Variants in LRBA observed in about 807,000 individuals in gnomAD.
LRBA encodes lipopolysaccharide-responsive and beige-like anchor protein.
In LRBA, 176 loss-of-function variants were observed where a neutral mutation model predicts 330.0. The ratio of observed to expected loss-of-function variants is 0.53; its 90% CI spans 0.47 to 0.60. LRBA has a LOEUF of 0.60. LRBA is among the 20% of genes least tolerant of loss of function. The pLI is 0.00. For synonymous variants in LRBA, 1,230 were observed against 1,193.0 expected, an observed-to-expected ratio of 1.03 and a Z score of -0.64; for missense variants, 3,259 against 3,444.8, an observed-to-expected ratio of 0.95 and a Z score of 1.35.
At position 150,963,019 on chromosome 4, in the gene LRBA, TAA is replaced by T. The variant is rs35571039; in HGVS notation, c.217-33956_217-33955del. On this transcript the variant is annotated intron_variant, in intron 2 of 56. Transcript: ENST00000651943. ...TAAAATAAAATAAAAAGCTTTTTAT[TAA>T]AAAAAAAAACACCACTAGTCAAGTC... Among the ~76,000 whole-genome samples, 380 of 141,258 alleles carry T rather than the reference TAA, an allele frequency of 2.7e-3. 12 individuals are homozygous for T. The highest frequency in any genetic ancestry group is 4.5e-3 in the Non-Finnish European group (300 of 66,616). The allele number at this position is 141,258 out of a possible 152,430, so 92.7% of individuals were successfully genotyped here.
chr4:150,765,815 T>C (rs1399964056), intron 34 of LRBA, among the ~76,000 whole-genome samples: 2 of 152,108 alleles, frequency 1.3e-5, no homozygotes, highest in African/African-American at 2.4e-5. Context: ...TTTAATTACA[T>C]TGTCAAATCA....
intron 36 of LRBA, among the ~76,000 whole-genome samples, chr4:150,724,342 C>T (rs1729368860): frequency 6.6e-6 from 1 of 152,102 alleles, no homozygotes. Context: ...ATAATTCTTC[C>T]ACATCTTATC....
rs115055192 is a variant in LRBA, at chr4:150,539,602, G to A, written c.6330+48446C>T. On this transcript the variant is annotated intron_variant, in intron 40 of 56. Coordinates refer to ENST00000651943, the MANE Select transcript of LRBA (RefSeq NM_001364905.1). ...TCACAGTATCAACATAGTCTTAAGC[G>A]CATCTTAAACAATATATCTGCTCTG... Among the ~76,000 whole-genome samples the A allele has an allele frequency of 1.2e-3, 176 of 152,204 alleles. 3 individuals carry two copies. Among genetic ancestry groups the A allele is most frequent in the African/African-American group, 4.1e-3 (170 of 41,516 alleles).
At chr4:150,967,346 A>G (rs1296889482) in intron 2 of LRBA, among the ~76,000 whole-genome samples, 2 of 152,186 alleles carry the variant, frequency 1.3e-5, no homozygotes, top group Non-Finnish European at 2.9e-5. Flanking sequence ...TTGTCCCTAT[A>G]CAATCCAGTC....
intron 44 of LRBA, among the ~76,000 whole-genome samples, chr4:150,443,842 A>T (rs1752174952): frequency 1.7e-5 from 1 of 57,232 alleles, no homozygotes; most frequent in Non-Finnish European, 4.8e-5. Context: ...AACTTAAAGT[A>T]TAATTAAAAA....
intron 34 of LRBA, among the ~76,000 whole-genome samples, chr4:150,788,928 G>A (rs2126633256): frequency 6.6e-6 from 1 of 151,594 alleles, no homozygotes; most frequent in Admixed American, 6.6e-5. Flanking sequence ...TCAAAAATGT[G>A]CCAGACATGG....
chr4:150,856,047 T>C (rs13112801), intron 22 of LRBA, among the ~76,000 whole-genome samples: 105,028 of 152,032 alleles, frequency 0.69, 42,125 homozygotes, highest in Non-Finnish European at 0.9. Context: ...GTGTGCCAGG[T>C]AGAGTGTATT....
intron 18 of LRBA, among the ~76,000 whole-genome samples, chr4:150,871,869 A>G (rs1753487543): frequency 6.6e-6 from 1 of 152,280 alleles, no homozygotes; most frequent in East Asian, 1.9e-4. Flanking sequence ...ATGTAATATA[A>G]TTTTTTAAAA....
intron 2 of LRBA, among the ~76,000 whole-genome samples, chr4:151,002,760 C>G (rs1743521942): frequency 6.6e-6 from 1 of 151,656 alleles, no homozygotes; most frequent in South Asian, 2.1e-4. Flanking sequence ...GTCTATAATC[C>G]CAGCACTTTG....
chr4:150,644,823 G>A (rs1457317112), intron 37 of LRBA, among the ~76,000 whole-genome samples: 2 of 151,784 alleles, frequency 1.3e-5, no homozygotes, highest in African/African-American at 4.8e-5. Context: ...TATAACAAAT[G>A]GTGTTAAAAG....
chr4:150,681,647 C>T (rs1358681234), intron 37 of LRBA, among the ~76,000 whole-genome samples: 1 of 151,958 alleles, frequency 6.6e-6, no homozygotes, highest in Non-Finnish European at 1.5e-5. Flanking sequence ...TAATCATGTC[C>T]ATTTTGTGAT....
intron 36 of LRBA, among the ~76,000 whole-genome samples, chr4:150,711,930 C>A (rs2127040292): frequency 6.6e-6 from 1 of 152,236 alleles, no homozygotes; most frequent in East Asian, 1.9e-4. Context: ...AAAGTTTACT[C>A]ACTGATGTTT....
intron 40 of LRBA, among the ~76,000 whole-genome samples, chr4:150,578,365 CTAATTT>C (rs1486969821): frequency 2.0e-5 from 3 of 152,098 alleles, no homozygotes; most frequent in Non-Finnish European, 4.4e-5. Context: ...AGTTTTGCTT[CTAATTT>C]TAATTATAAA....
At chr4:150,452,995 T>C (rs1414804758) in intron 44 of LRBA, among the ~76,000 whole-genome samples, 2 of 152,092 alleles carry the variant, frequency 1.3e-5, no homozygotes, top group Non-Finnish European at 2.9e-5. Context: ...TAACAAGATA[T>C]GTGTAAGAAT....
At chr4:150,502,074 C>T (rs904778161) in intron 40 of LRBA, among the ~76,000 whole-genome samples, 2 of 152,156 alleles carry the variant, frequency 1.3e-5, no homozygotes, top group African/African-American at 4.8e-5. Context: ...GAGAGAGCTG[C>T]AAAGCAACAG....
rs142211018 is a variant in LRBA at position 150,286,155 on chromosome 4, C to T, written c.8018-121G>A. The T allele has an allele frequency of 6.9e-6, 5 of 720,068 alleles. No homozygotes were observed. In the East Asian group the frequency reaches 1.5e-4, roughly 21 times the overall value. 44.6% of individuals were successfully genotyped at this position (720,068 alleles called of 1,614,324 possible). On this transcript the variant is annotated intron_variant, in intron 53 of 56. Transcript: ENST00000651943. ...ATTTATAGTTTGGGAATTTGTCCAGCAATCCTACTTTAGGACTAGATCCAA... is the reference window on the plus strand; with the variant it reads ...ATTTATAGTTTGGGAATTTGTCCAGTAATCCTACTTTAGGACTAGATCCAA...
intron 40 of LRBA, among the ~76,000 whole-genome samples, chr4:150,529,113 T>C (rs962117900): frequency 2.0e-5 from 3 of 152,216 alleles, no homozygotes; most frequent in Middle Eastern, 3.2e-3. Context: ...AGAACATATA[T>C]TTTCATACAG....
intron 35 of LRBA, among the ~76,000 whole-genome samples, chr4:150,750,433 C>T (rs1733374081): frequency 6.6e-6 from 1 of 152,106 alleles, no homozygotes; most frequent in South Asian, 2.1e-4. Context: ...ATCCTCTTTC[C>T]CTCTAAGGAA....
intron 20 of LRBA, among the ~76,000 whole-genome samples, chr4:150,869,796 T>C (rs1249164731): frequency 2.6e-5 from 4 of 152,216 alleles, no homozygotes; most frequent in African/African-American, 9.6e-5. Flanking sequence ...GGCTCATGCC[T>C]GTAATACCAG....
Sources: allele counts gnomAD v4.1 joint callset (sites outside exome capture counted in the v4.1 genomes callset), GRCh38; gene constraint gnomAD v4.1.1; transcripts MANE v1.5; gene names NCBI Gene and HGNC (gene_info 2026-07-23, HGNC 2026-07-21).